EIF4E3: variants seen among roughly 807,000 people sequenced by gnomAD.
EIF4E3 encodes the protein eukaryotic translation initiation factor 4E family member 3.
EIF4E3 carries 26 observed loss-of-function variants against 31.7 expected under a neutral mutation model. The observed-to-expected ratio is 0.82, with a 90% CI of 0.60 to 1.14. EIF4E3 has a LOEUF of 1.14. Ranked by LOEUF, EIF4E3 falls within the 50% of genes most tolerant of loss-of-function variation. The pLI, the probability that EIF4E3 is intolerant of heterozygous loss-of-function variation, is 0.00. For missense variants in EIF4E3, 304 were observed against 270.9 expected (o/e 1.12, Z -0.86); for synonymous variants, 128 against 107.7 (o/e 1.19, Z -1.17).
intron 6 of EIF4E3, among the ~76,000 whole-genome samples, chr3:71,686,218 G>A (rs2048988673): frequency 6.6e-6 from 1 of 152,012 alleles, no homozygotes; most frequent in African/African-American, 2.4e-5. Context: ...TCGAACTCCT[G>A]AGCTCAAGCG....
chr3:71,754,093 C>T (rs1164655518), upstream of EIF4E3: 29 of 1,355,750 alleles, frequency 2.1e-5, no homozygotes, highest in Middle Eastern at 2.8e-4. The surrounding 1 kb of genome is among the most constrained non-coding windows in gnomAD (Gnocchi z 5.8). Context: ...GGCGGCGAGG[C>T]GGCCGCCCTG....
At position 71,719,280 on chromosome 3, in the gene EIF4E3, T is replaced by G. The variant is rs566164594; in HGVS notation, c.176+5912A>C. ...GTGACTGGTAAATAATATACTCAAT[T>G]GATATGATCAATACCTAGAGCAGTA... On this transcript the variant is annotated intron_variant, in intron 1 of 6. Coordinates refer to ENST00000425534, the MANE Select transcript of EIF4E3 (RefSeq NM_001134651.2). Among the ~76,000 whole-genome samples, 4 of 152,340 alleles carry G rather than the reference T, an allele frequency of 2.6e-5. No individual in the cohort carries two copies. The East Asian group carries it at 7.7e-4, about 29-fold the overall frequency.
intron 1 of EIF4E3, among the ~76,000 whole-genome samples, chr3:71,737,449 G>T (rs2049774791): frequency 6.6e-6 from 1 of 152,118 alleles, no homozygotes; most frequent in Non-Finnish European, 1.5e-5. Context: ...AATTTTTACT[G>T]TAAGGTGGGT....
At chr3:71,671,360 C>G (rs1489485161), downstream of EIF4E3, among the ~76,000 whole-genome samples, 1 of 151,886 alleles carries the variant, frequency 6.6e-6, no homozygotes, top group Admixed American at 6.6e-5. Flanking sequence ...CTTGGCTGGC[C>G]GCGGCTTGGA....
At chr3:71,664,073 A>G in the EIF4E3 span, among the ~76,000 whole-genome samples, 14 of 152,260 alleles carry the variant, frequency 9.2e-5, no homozygotes, top group African/African-American at 3.1e-4. Flanking sequence ...GTGGATCCAG[A>G]AAAGGCTGCA....
At position 71,676,832 on chromosome 3, in the gene EIF4E3, G is replaced by T. The variant is rs2048878212; in HGVS notation, c.*7850C>A. ...ACACTAATTATTTTCGCCTTAAAAA[G>T]GGGACACGGCTTTAGTGTTTAACCT... On this transcript the variant is annotated 3_prime_UTR_variant, in exon 7 of 7. Transcript: ENST00000425534. 1 of 151,790 alleles carries T rather than the reference G, an allele frequency of 6.6e-6. No individual in the cohort carries two copies. The allele number at this position is 151,790 out of a possible 1,614,324, so 9.4% of individuals were successfully genotyped here.
upstream of EIF4E3, chr3:71,754,399 G>C: frequency 7.4e-7 from 1 of 1,346,860 alleles, no homozygotes; most frequent in Non-Finnish European, 9.6e-7. The surrounding 1 kb of genome is among the most constrained non-coding windows in gnomAD (Gnocchi z 5.8). Context: ...CTGGGCGTGG[G>C]CGTCACCCGC....
rs986064387 is a variant in EIF4E3, at chr3:71,675,782, T to C, written c.*8900A>G. 2 of 152,242 alleles carry C rather than the reference T, an allele frequency of 1.3e-5. No homozygotes were observed. Among genetic ancestry groups the C allele is most frequent in the African/African-American group, 4.8e-5 (2 of 41,464 alleles). 9.4% of individuals were successfully genotyped at this position (152,242 alleles called of 1,614,324 possible). A position where few individuals can be genotyped will look rare whatever the true frequency, so the allele number is the denominator to read the frequency against. On this transcript the variant is annotated 3_prime_UTR_variant, in exon 7 of 7. Transcript: ENST00000425534. ...CCTTTTCTTTGTAAACAAACTCTCATAAGGAATCTCAAAATTCTTGCACAT... is the reference window on the plus strand; with the variant it reads ...CCTTTTCTTTGTAAACAAACTCTCACAAGGAATCTCAAAATTCTTGCACAT...
At chr3:71,753,906 G>A (rs2049967562), upstream of EIF4E3, 2 of 952,882 alleles carry the variant, frequency 2.1e-6, no homozygotes, top group South Asian at 4.7e-5. Flanking sequence ...GCCCAGGAGG[G>A]GCCGGCCGGG....
At chr3:71,703,885 C>CA (rs1185540086) in intron 2 of EIF4E3, among the ~76,000 whole-genome samples, 3 of 149,778 alleles carry the variant, frequency 2.0e-5, no homozygotes, top group Non-Finnish European at 3.0e-5. Context: ...AGAGTATTTC[C>CA]AAAAAAACAA....
intron 1 of EIF4E3, among the ~76,000 whole-genome samples, chr3:71,724,547 A>T (rs1169088143): frequency 6.6e-6 from 1 of 151,960 alleles, no homozygotes; most frequent in South Asian, 2.1e-4. Context: ...GCCATAATTC[A>T]CCCCCTTCCT....
intron 1 of EIF4E3, among the ~76,000 whole-genome samples, chr3:71,735,666 G>A (rs906584073): frequency 6.6e-6 from 1 of 152,142 alleles, no homozygotes; most frequent in Admixed American, 6.5e-5. Context: ...AACTAATTTT[G>A]TGGGGAGGTT....
At chr3:71,688,622 T>C (rs1288064368) in intron 6 of EIF4E3, among the ~76,000 whole-genome samples, 1 of 152,146 alleles carries the variant, frequency 6.6e-6, no homozygotes, top group Non-Finnish European at 1.5e-5. Flanking sequence ...TTTAGCCCCA[T>C]ACATAAATGC....
chr3:71,718,546 TA>T (rs914758700), intron 1 of EIF4E3, among the ~76,000 whole-genome samples: 5 of 152,196 alleles, frequency 3.3e-5, no homozygotes, highest in African/African-American at 1.2e-4. Flanking sequence ...ACAGCAGTGT[TA>T]AGAGTTTACG....
chr3:71,754,400 C>T (rs1398054069), upstream of EIF4E3: 1 of 1,346,530 alleles, frequency 7.4e-7, no homozygotes, highest in Non-Finnish European at 9.6e-7. This position sits in a 1 kb window ranked among gnomAD's most constrained non-coding sequence, Gnocchi z 5.8. Context: ...TGGGCGTGGG[C>T]GTCACCCGCT....
intron 2 of EIF4E3, among the ~76,000 whole-genome samples, chr3:71,706,939 C>A (rs1022031079): frequency 6.6e-6 from 1 of 152,140 alleles, no homozygotes; most frequent in Middle Eastern, 3.2e-3. Flanking sequence ...ATACTAAGGA[C>A]AATTTATCAG....
At chr3:71,660,849 G>A in the EIF4E3 span, among the ~76,000 whole-genome samples, 4 of 152,128 alleles carry the variant, frequency 2.6e-5, no homozygotes, top group Non-Finnish European at 5.9e-5. Context: ...GGCCATCACA[G>A]GTGCTATCTC....
the EIF4E3 span, among the ~76,000 whole-genome samples, chr3:71,668,814 A>G: frequency 6.6e-6 from 1 of 152,362 alleles, no homozygotes; most frequent in South Asian, 2.1e-4. Context: ...AAATTAGTTC[A>G]ACCATTGTGG....
upstream of EIF4E3, chr3:71,728,345 A>T (rs2049664089): frequency 6.6e-6 from 1 of 152,336 alleles, no homozygotes; most frequent in Admixed American, 6.5e-5. Context: ...AATTGGGGAA[A>T]TTTCCCTCAT....
Sources: gnomAD v4.1 joint callset for allele counts (sites outside exome capture counted in the v4.1 genomes callset) on GRCh38, gnomAD v4.1.1 for gene constraint, Gnocchi (gnomAD v3.1) non-coding constraint, MANE v1.5 for transcripts, NCBI Gene and HGNC (gene_info 2026-07-23, HGNC 2026-07-21) for gene names.